The following BACH2 variants were observed in gnomAD, a reference collection of about 807,000 sequenced individuals.
The protein encoded by BACH2 is transcription regulator protein BACH2.
BACH2 carries 5 observed loss-of-function variants against 61.8 expected under a neutral mutation model. The observed-to-expected ratio is 0.08, with a 90% CI of 0.04 to 0.17. BACH2 has a LOEUF of 0.17. Among genes scored for constraint, BACH2 ranks in the 10% least tolerant of loss-of-function variants. The probability of loss-of-function intolerance (pLI) is 1.00; values close to 1 mark genes in which losing one functional copy is unlikely to be tolerated. For synonymous variants in BACH2, 446 were observed against 440.1 expected, an observed-to-expected ratio of 1.01 and a Z score of -0.17; for missense variants, 824 against 1,091.1, an observed-to-expected ratio of 0.76 and a Z score of 3.45.
chr6:90,030,705 ATAAT>A (rs1427479526), intron 5 of BACH2, among the ~76,000 whole-genome samples: 6 of 152,100 alleles, frequency 3.9e-5, no homozygotes, highest in African/African-American at 1.2e-4. Context: ...AATTGAGGCA[ATAAT>A]TAATAGCTTA....
chr6:90,281,499 T>C (rs1771857192), intron 1 of BACH2, among the ~76,000 whole-genome samples: 1 of 152,182 alleles, frequency 6.6e-6, no homozygotes, highest in Non-Finnish European at 1.5e-5. Flanking sequence ...GCCCCTTCTC[T>C]ATCATACCCA....
At chr6:90,016,686 G>A (rs1778082794) in intron 5 of BACH2, among the ~76,000 whole-genome samples, 1 of 152,078 alleles carries the variant, frequency 6.6e-6, no homozygotes, top group South Asian at 2.1e-4. Context: ...AAATAATGAG[G>A]TAACATTACT....
chr6:90,029,604 G>C (rs1426862095), intron 5 of BACH2, among the ~76,000 whole-genome samples: 1 of 152,248 alleles, frequency 6.6e-6, no homozygotes, highest in African/African-American at 2.4e-5. Context: ...ATTTTTACCT[G>C]TTTTGCTCAC....
chr6:90,197,112 G>C (rs545625169), intron 4 of BACH2, among the ~76,000 whole-genome samples: 2 of 151,990 alleles, frequency 1.3e-5, no homozygotes, highest in Admixed American at 6.6e-5. Context: ...ATATTCAAAA[G>C]CACAAGATTC....
chr6:90,296,016 C>G (rs537168396), intron 1 of BACH2, among the ~76,000 whole-genome samples: 3 of 152,174 alleles, frequency 2.0e-5, no homozygotes, highest in South Asian at 2.1e-4. Context: ...CGGCCTGGAG[C>G]TGGGATCGCA....
rs148911842 is a variant in BACH2 at position 90,080,947 on chromosome 6, C to T, written c.-13+8014G>A. ...ACTTCTGACTTGTGTTGTAAAAACA[C>T]AGGCAATTAAGTATTACACAAAGTG... On this transcript the variant is annotated intron_variant, in intron 5 of 8. Transcript: ENST00000257749. 5.3e-5 allele frequency among the ~76,000 whole-genome samples: 8 copies of T among 152,204 alleles called. No individual in the cohort carries two copies. In the East Asian group the frequency reaches 1.5e-3, roughly 29 times the overall value.
chr6:90,042,787 C>T (rs1278783356), intron 5 of BACH2, among the ~76,000 whole-genome samples: 1 of 152,162 alleles, frequency 6.6e-6, no homozygotes, highest in African/African-American at 2.4e-5. Flanking sequence ...TTATACTGAC[C>T]TAAGTTGCTC....
chr6:90,279,299 G>T (rs1298107197), intron 1 of BACH2, among the ~76,000 whole-genome samples: 1 of 151,980 alleles, frequency 6.6e-6, no homozygotes, highest in African/African-American at 2.4e-5. Context: ...GAGGTGGGCG[G>T]ATCACCTGAG....
chr6:89,958,220 A>G (rs1679724015), intron 6 of BACH2, among the ~76,000 whole-genome samples: 1 of 152,154 alleles, frequency 6.6e-6, no homozygotes. Flanking sequence ...GGCTCAAGCC[A>G]TTTTCCTGCC....
At chr6:90,054,537 C>T (rs1780224965) in intron 5 of BACH2, among the ~76,000 whole-genome samples, 1 of 152,252 alleles carries the variant, frequency 6.6e-6, no homozygotes, top group Admixed American at 6.5e-5. Context: ...GTAGGCTCCA[C>T]CTCTGGGGGC....
chr6:89,953,352 A>G (rs993919137), intron 6 of BACH2, among the ~76,000 whole-genome samples: 5 of 152,206 alleles, frequency 3.3e-5, no homozygotes, highest in African/African-American at 1.2e-4. Flanking sequence ...TCTTTCCAGT[A>G]ACGGAAATTT....
chr6:90,102,364 A>C (rs1052960371), intron 4 of BACH2, among the ~76,000 whole-genome samples: 4 of 152,168 alleles, frequency 2.6e-5, no homozygotes, highest in Non-Finnish European at 4.4e-5. Context: ...CTATCCCTAA[A>C]GTCTGTTTAA....
At chr6:90,182,277 T>A (rs1768191649) in intron 4 of BACH2, among the ~76,000 whole-genome samples, 1 of 152,244 alleles carries the variant, frequency 6.6e-6, no homozygotes, top group African/African-American at 2.4e-5. Context: ...TGTCAATCCC[T>A]GAACACGTGG....
intron 1 of BACH2, among the ~76,000 whole-genome samples, chr6:90,275,718 G>A (rs893961168): frequency 6.6e-6 from 1 of 151,972 alleles, no homozygotes; most frequent in Non-Finnish European, 1.5e-5. Flanking sequence ...GCTCACGCCT[G>A]TAATCCCAGC....
intron 2 of BACH2, among the ~76,000 whole-genome samples, chr6:90,264,343 A>T (rs1462956520): frequency 6.6e-6 from 1 of 152,226 alleles, no homozygotes; most frequent in Non-Finnish European, 1.5e-5. Flanking sequence ...ATAGTTCTAA[A>T]AAATGAACCC....
rs531479364 is a variant in BACH2, at chr6:90,057,540, G to A, written c.-13+31421C>T. ...GTGGATTCACAGCCGAATTCTACCA[G>A]AGGTACAAAGAGGAGCTGGTACCAT... On this transcript the variant is annotated intron_variant, in intron 5 of 8. Transcript: ENST00000257749. Among the ~76,000 whole-genome samples the A allele has an allele frequency of 7.9e-5, 12 of 152,258 alleles. No individual in the cohort carries two copies. The South Asian group carries it at 2.5e-3, about 32-fold the overall frequency.
At chr6:90,164,366 C>G (rs367653473) in intron 4 of BACH2, among the ~76,000 whole-genome samples, 12 of 151,964 alleles carry the variant, frequency 7.9e-5, no homozygotes, top group East Asian at 1.9e-4. Context: ...AAACCAGGAA[C>G]AAGTTGAATC....
rs775390383 is a variant in BACH2, at chr6:90,157,923, G to A, written c.-162+48646C>T. On this transcript the variant is annotated intron_variant, in intron 4 of 8. Coordinates refer to ENST00000257749, the MANE Select transcript of BACH2 (RefSeq NM_021813.4). ...AATAATGAGGAAGGCAGACATTAAT[G>A]AAATAATTATACAAATAAAGATAAA... Among the ~76,000 whole-genome samples the A allele has an allele frequency of 1.1e-3, 160 of 152,158 alleles. 1 individual carries two copies. The highest frequency in any genetic ancestry group is 2.8e-4 in the Non-Finnish European group (19 of 68,032).
chr6:90,166,655 C>T (rs1767628771), intron 4 of BACH2, among the ~76,000 whole-genome samples: 1 of 152,248 alleles, frequency 6.6e-6, no homozygotes, highest in South Asian at 2.1e-4. Context: ...GGAACCAACC[C>T]AAATGTCCAA....
Sources: allele counts gnomAD v4.1 joint callset (sites outside exome capture counted in the v4.1 genomes callset), GRCh38; gene constraint gnomAD v4.1.1; transcripts MANE v1.5; gene names NCBI Gene and HGNC (gene_info 2026-07-23, HGNC 2026-07-21).